The following ELP1 variants were observed in gnomAD, a reference collection of about 807,000 sequenced individuals.
ELP1 encodes elongator acetyltransferase complex subunit 1, also known as elongator complex protein 1.
ELP1 carries 131 observed loss-of-function variants against 183.2 expected under a neutral mutation model. The observed-to-expected ratio is 0.72, with a 90% CI of 0.62 to 0.83. The LOEUF (loss-of-function observed/expected upper bound fraction) is 0.83. ELP1 is among the 40% of genes least tolerant of loss of function. ELP1 has a pLI of 0.00. For synonymous variants in ELP1, 555 were observed against 569.0 expected, an observed-to-expected ratio of 0.98 and a Z score of 0.35; for missense variants, 1,550 against 1,594.9, an observed-to-expected ratio of 0.97 and a Z score of 0.48.
At chr9:108,929,637 G>T (rs1829932378) in intron 3 of ELP1, 132 bp downstream of exon 3, 2 of 917,214 alleles carry the variant, frequency 2.2e-6, no homozygotes, top group African/African-American at 3.3e-5. Flanking sequence ...TTTAAATAAA[G>T]AAATATATAA....
chr9:108,918,158 C>T (rs1249634459), intron 8 of ELP1, among the ~76,000 whole-genome samples: 1 of 152,162 alleles, frequency 6.6e-6, no homozygotes, highest in East Asian at 1.9e-4. Context: ...ATACATTTCT[C>T]TTCTGCTCTA....
At chr9:108,874,839 CAGAA>C (rs1442563125) in intron 36 of ELP1, 52 bp downstream of exon 36, 7 of 1,181,478 alleles carry the variant, frequency 5.9e-6, no homozygotes, top group Non-Finnish European at 2.5e-6. Flanking sequence ...TCAATACTTA[CAGAA>C]AGATAGTCCT....
rs891252697 is a variant in ELP1, at chr9:108,925,751, C to T, written c.466+772G>A. Among the ~76,000 whole-genome samples the T allele has an allele frequency of 2.6e-5, 4 of 152,162 alleles. No homozygotes were observed. In the East Asian group the frequency reaches 5.8e-4, roughly 22 times the overall value. On this transcript the variant is annotated intron_variant, in intron 5 of 36. Coordinates refer to ENST00000374647, the MANE Select transcript of ELP1 (RefSeq NM_003640.5). ...TCTTTGTAGATGCTGGGTCTCCCTA[C>T]GTTGCCTAGGCTAGTATCAAACTCC...
chr9:108,925,568 C>T (rs1032202769), intron 5 of ELP1, among the ~76,000 whole-genome samples: 1 of 152,156 alleles, frequency 6.6e-6, no homozygotes, highest in Non-Finnish European at 1.5e-5. Context: ...CCCTCACCTA[C>T]CCAACACCAA....
At chr9:108,910,907 T>G in intron 12 of ELP1, 103 bp downstream of exon 12, 3 of 998,962 alleles carry the variant, frequency 3.0e-6, no homozygotes, top group Non-Finnish European at 4.8e-6. Context: ...TTAAAAATTT[T>G]GAGAAACACT....
intron 29 of ELP1, among the ~76,000 whole-genome samples, chr9:108,884,916 C>CA (rs1274050215): frequency 6.6e-6 from 1 of 151,348 alleles, no homozygotes; most frequent in Non-Finnish European, 1.5e-5. Context: ...CCCATCTCTA[C>CA]AAAAAAAATT....
At position 108,906,423 on chromosome 9, in the gene ELP1, C is replaced by G; in HGVS notation, c.1523G>C (p.Trp508Ser). 1 of 1,614,052 alleles carries G rather than the reference C, an allele frequency of 6.2e-7. No homozygotes were observed. The highest frequency in any genetic ancestry group is 8.5e-7 in the Non-Finnish European group (1 of 1,179,914). Residue 508 changes from tryptophan to serine, a missense_variant, in exon 14 of 37, where the codon TGG becomes TCG. Transcript: ENST00000374647. ...AGCCAGGAAGACGTCTTCTTCAATC[C>G]AAGTGAGAAGGCCTAGTTTCAGCGG... is the stretch of plus-strand genomic sequence containing the variant. Reference protein sequence around the residue: ...VNPLKLGLLTWIEEDVFLAVS... With the variant: ...VNPLKLGLLTSIEEDVFLAVS...
At chr9:108,889,214 C>T (rs1188329433) in intron 29 of ELP1, 118 bp downstream of exon 29, 17 of 967,432 alleles carry the variant, frequency 1.8e-5, no homozygotes, top group Admixed American at 3.4e-5. Context: ...CTGGGGCAAA[C>T]ACTATCTCTG....
intron 5 of ELP1, among the ~76,000 whole-genome samples, chr9:108,925,777 T>C (rs1039738033): frequency 6.6e-6 from 1 of 152,196 alleles, no homozygotes. Flanking sequence ...ATCAAACTCC[T>C]GGGCTCAAGC....
Position 108,931,546 on chromosome 9 carries a change from G to A in ELP1, c.-55-345C>T, listed in dbSNP as rs185348609. ...GGAAACATTTTATTTTTGCATATTA[G>A]GACATCTTTATAAAATCATGAGGAA... On this transcript the variant is annotated intron_variant, in intron 1 of 36. Coordinates refer to ENST00000374647, the MANE Select transcript of ELP1 (RefSeq NM_003640.5). Among the ~76,000 whole-genome samples, 8 of 152,282 alleles carry A rather than the reference G, an allele frequency of 5.3e-5. No individual in the cohort carries two copies. The East Asian group carries it at 1.5e-3, about 29-fold the overall frequency.
intron 12 of ELP1, among the ~76,000 whole-genome samples, chr9:108,910,544 A>T (rs1310856974): frequency 6.6e-6 from 1 of 152,170 alleles, no homozygotes; most frequent in Non-Finnish European, 1.5e-5. Context: ...GTGGATTAGG[A>T]GCTAGAACAC....
intron 35 of ELP1, 78 bp from the exon 36 acceptor site, chr9:108,875,048 AC>A (rs67850667): frequency 1.1e-6 from 1 of 904,702 alleles, no homozygotes; most frequent in South Asian, 1.3e-5. Context: ...CCAAATCCCT[AC>A]CCCCAGAAAA....
Position 108,869,580 on chromosome 9 carries a change from T to C in ELP1, c.3932-398A>G, listed in dbSNP as rs3763645. The stretch of plus-strand genomic sequence containing the variant: ...TCAATTTTTAAGGAATAGCAAAATG[T>C]GATAGCACATATTCAGTAAGTGAAG... On this transcript the variant is annotated intron_variant, in intron 36 of 36. Coordinates refer to ENST00000374647, the MANE Select transcript of ELP1 (RefSeq NM_003640.5). Among the ~76,000 whole-genome samples, 49 of 152,292 alleles carry C rather than the reference T, an allele frequency of 3.2e-4. No individual in the cohort carries two copies. In the East Asian group the frequency reaches 8.3e-3, roughly 26 times the overall value.
At chr9:108,889,203 T>A in intron 29 of ELP1, 129 bp downstream of exon 29, 1 of 901,302 alleles carries the variant, frequency 1.1e-6, no homozygotes, top group Non-Finnish European at 1.9e-6. Flanking sequence ...AGATAAGACC[T>A]CTGGGGCAAA....
intron 27 of ELP1, 38 bp downstream of exon 27, chr9:108,892,948 G>C (rs138515765): frequency 1.3e-6 from 2 of 1,483,534 alleles, no homozygotes; most frequent in Admixed American, 1.7e-5. Flanking sequence ...AAAGCAAAAA[G>C]CAAAACCAGG....
In ELP1 at chr9:108,922,936, C is replaced by T. The variant is rs1564104780; in HGVS notation, c.467-9G>A. ...AACAGTGATAAACTTGCCTACAGAA[C>T]AATTGGCAAGACAACTAATAAGCCA... On this transcript the variant is annotated splice_polypyrimidine_tract_variant and intron_variant, in intron 5 of 36. Transcript: ENST00000374647. 2 of 1,602,248 alleles carry T rather than the reference C, an allele frequency of 1.2e-6. No homozygotes were observed. The highest frequency in any genetic ancestry group is 2.7e-5 in the African/African-American group (2 of 74,678).
In ELP1 at chr9:108,868,452, T is replaced by C. The variant is rs1827316009; in HGVS notation, c.*663A>G. On this transcript the variant is annotated 3_prime_UTR_variant, in exon 37 of 37. Coordinates refer to ENST00000374647, the MANE Select transcript of ELP1 (RefSeq NM_003640.5). The stretch of plus-strand genomic sequence containing the variant: ...GATCACTCACACCAACTGTGCATGA[T>C]ACTGTTTAGAAATTCTAATCTGTTC... 6.0e-6 allele frequency: 2 copies of C among 335,382 alleles called. No individual in the cohort carries two copies. Among genetic ancestry groups the C allele is most frequent in the Non-Finnish European group, 1.1e-5 (2 of 186,176 alleles). 20.8% of individuals were successfully genotyped at this position (335,382 alleles called of 1,614,324 possible).
chr9:108,877,471 TATAA>T (rs745647349), intron 35 of ELP1, among the ~76,000 whole-genome samples: 5 of 152,078 alleles, frequency 3.3e-5, no homozygotes, highest in Non-Finnish European at 4.4e-5. Context: ...TGAACAGAGG[TATAA>T]ATAATAAACA....
intron 36 of ELP1, among the ~76,000 whole-genome samples, chr9:108,873,008 T>G (rs1339120974): frequency 2.0e-5 from 3 of 152,106 alleles, no homozygotes; most frequent in African/African-American, 7.2e-5. Context: ...ATTTCACATT[T>G]CCATATGTGG....
Sources: gnomAD v4.1 joint callset for allele counts (sites outside exome capture counted in the v4.1 genomes callset) on GRCh38, gnomAD v4.1.1 for gene constraint, MANE v1.5 for transcripts, NCBI Gene and HGNC (gene_info 2026-07-23, HGNC 2026-07-21) for gene names.